Variants in KALRN observed in about 807,000 individuals in gnomAD.
The protein encoded by KALRN is kalirin RhoGEF kinase.
Under a neutral mutation model 353.7 loss-of-function variants are expected in KALRN, and 70 were observed. That is an observed-to-expected ratio of 0.20 (90% CI 0.16 to 0.24). KALRN has a LOEUF of 0.24. Ranked by LOEUF, KALRN falls within the 10% of genes least tolerant of loss-of-function variation. The probability of loss-of-function intolerance (pLI) is 1.00; values close to 1 mark genes in which losing one functional copy is unlikely to be tolerated. For synonymous variants in KALRN, 1,391 were observed against 1,434.8 expected (o/e 0.97, Z 0.69); for missense variants, 2,791 against 3,756.7 (o/e 0.74, Z 6.72).
intron 53 of KALRN, among the ~76,000 whole-genome samples, chr3:124,695,043 C>T (rs2061987873): frequency 1.3e-5 from 2 of 150,098 alleles, no homozygotes; most frequent in South Asian, 2.1e-4. Flanking sequence ...CACATCTGGA[C>T]ATCCTGACAT....
At chr3:124,407,187 C>A (rs1001600576) in intron 13 of KALRN, among the ~76,000 whole-genome samples, 24 of 151,980 alleles carry the variant, frequency 1.6e-4, no homozygotes, top group African/African-American at 5.3e-4. Context: ...TAATATTTCC[C>A]AGCCTATTGG....
chr3:124,679,425 CTT>C, intron 50 of KALRN, 31 bp from the exon 51 acceptor site: 2 of 1,599,856 alleles, frequency 1.3e-6, no homozygotes, highest in Non-Finnish European at 1.7e-6. Context: ...ACTGTGTTCT[CTT>C]TCTTCCCCCT....
chr3:124,156,468 T>A (rs1157224242), intron 1 of KALRN, among the ~76,000 whole-genome samples: 2 of 152,220 alleles, frequency 1.3e-5, no homozygotes, highest in East Asian at 3.9e-4. Context: ...CAAGTCTTGC[T>A]CATTCCTGTT....
chr3:124,082,413 A>T, intron 1 of KALRN: 2 of 409,936 alleles, frequency 4.9e-6, no homozygotes, highest in Non-Finnish European at 5.0e-6. Flanking sequence ...CAACCAAGTA[A>T]TTCTTCTCCA....
At chr3:124,526,544 C>T (rs1430435885) in intron 33 of KALRN, among the ~76,000 whole-genome samples, 2 of 152,032 alleles carry the variant, frequency 1.3e-5, no homozygotes, top group Non-Finnish European at 2.9e-5. Flanking sequence ...CACTGCACTC[C>T]AGCCTGGGCA....
intron 5 of KALRN, among the ~76,000 whole-genome samples, chr3:124,291,513 A>G (rs1282428189): frequency 6.6e-6 from 1 of 152,204 alleles, no homozygotes; most frequent in African/African-American, 2.4e-5. Flanking sequence ...GGGTTTTGTT[A>G]ACCCTTTGCT....
In KALRN at chr3:124,311,064, C is replaced by CTTTTTTTTTTTTTTTTTTT. The variant is rs71145446; in HGVS notation, c.1092+12161_1092+12179dup. 2.7e-4 allele frequency among the ~76,000 whole-genome samples: 18 copies of CTTTTTTTTTTTTTTTTTTT among 67,524 alleles called. 2 individuals carry two copies. Among genetic ancestry groups the CTTTTTTTTTTTTTTTTTTT allele is most frequent in the Non-Finnish European group, 4.2e-4 (16 of 37,834 alleles). The allele number at this position is 67,524 out of a possible 152,430, so 44.3% of individuals were successfully genotyped here. ...TCAAAACCACAATGAGATACTACTT[C>CTTTTTTTTTTTTTTTTTTT]TTTTTTTTTTTTTTTTTTTTTTTTT... On this transcript the variant is annotated intron_variant, in intron 6 of 59. Transcript: ENST00000682506.
chr3:124,676,060 C>T (rs559852899), intron 49 of KALRN, among the ~76,000 whole-genome samples: 3 of 152,226 alleles, frequency 2.0e-5, no homozygotes, highest in Non-Finnish European at 4.4e-5. Context: ...TAAAGGCCCT[C>T]AAAGCATTGA....
intron 18 of KALRN, among the ~76,000 whole-genome samples, 186 bp downstream of exon 18, chr3:124,439,223 C>T (rs2093594493): frequency 6.6e-6 from 1 of 151,706 alleles, no homozygotes; most frequent in South Asian, 2.1e-4. Context: ...CACACACACA[C>T]ACACACACAC....
intron 33 of KALRN, among the ~76,000 whole-genome samples, chr3:124,552,563 C>T (rs192021775): frequency 6.6e-6 from 1 of 152,310 alleles, no homozygotes; most frequent in Admixed American, 6.5e-5. Flanking sequence ...AGTCTGATTC[C>T]AATCTGTTGT....
chr3:124,264,088 G>A (rs1441935385), intron 3 of KALRN, among the ~76,000 whole-genome samples: 1 of 149,122 alleles, frequency 6.7e-6, no homozygotes, highest in African/African-American at 2.5e-5. Context: ...GGAGGGGAAT[G>A]TTTGCATTCT....
intron 5 of KALRN, among the ~76,000 whole-genome samples, chr3:124,295,282 G>A (rs538498334): frequency 7.9e-5 from 12 of 152,228 alleles, no homozygotes; most frequent in African/African-American, 2.2e-4. Context: ...TCTTTGGAGC[G>A]CCACCTCCAG....
At chr3:124,580,903 T>A (rs2074563103) in intron 34 of KALRN, among the ~76,000 whole-genome samples, 1 of 150,884 alleles carries the variant, frequency 6.6e-6, no homozygotes, top group Non-Finnish European at 1.5e-5. Context: ...AGCCCAGGAG[T>A]TCAAGACCAG....
intron 11 of KALRN, among the ~76,000 whole-genome samples, chr3:124,393,212 C>T (rs1280150104): frequency 2.0e-5 from 3 of 152,146 alleles, no homozygotes; most frequent in Non-Finnish European, 4.4e-5. Flanking sequence ...GTGATCTGCC[C>T]ACCTTGGCCT....
intron 10 of KALRN, among the ~76,000 whole-genome samples, chr3:124,375,008 G>T (rs1009204104): frequency 2.0e-5 from 3 of 152,162 alleles, no homozygotes. Context: ...GTATATTTAA[G>T]TCTATCTTCT....
chr3:124,471,789 G>A (rs757270165), intron 25 of KALRN, among the ~76,000 whole-genome samples: 3 of 151,682 alleles, frequency 2.0e-5, no homozygotes, highest in African/African-American at 4.8e-5. Context: ...TGGTGAAACC[G>A]TGTCTCTACT....
intron 1 of KALRN, among the ~76,000 whole-genome samples, chr3:124,147,316 G>A (rs2149848518): frequency 6.6e-6 from 1 of 152,280 alleles, no homozygotes; most frequent in African/African-American, 2.4e-5. Flanking sequence ...AGATCATGGA[G>A]CATCTTCTAT....
intron 33 of KALRN, among the ~76,000 whole-genome samples, chr3:124,498,858 C>T (rs923156138): frequency 6.6e-6 from 1 of 151,774 alleles, no homozygotes; most frequent in Non-Finnish European, 1.5e-5. Context: ...AACTTGTAGA[C>T]GTTATCAGCA....
At chr3:124,037,802 G>T (rs2039568211) in intron 1 of KALRN, among the ~76,000 whole-genome samples, 1 of 152,154 alleles carries the variant, frequency 6.6e-6, no homozygotes, top group Non-Finnish European at 1.5e-5. Context: ...AAATGAAGTA[G>T]CTGGGTTGAG....
Sources: gnomAD v4.1 joint callset for allele counts (sites outside exome capture counted in the v4.1 genomes callset) on GRCh38, gnomAD v4.1.1 for gene constraint, MANE v1.5 for transcripts, NCBI Gene and HGNC (gene_info 2026-07-23, HGNC 2026-07-21) for gene names.